AFAP1: variants seen among roughly 807,000 people sequenced by gnomAD.
AFAP1 encodes the protein actin filament associated protein 1, also known as actin filament-associated protein 1.
In AFAP1, 75 loss-of-function variants were observed where a neutral mutation model predicts 93.9. The observed-to-expected ratio is 0.80, with a 90% confidence interval of 0.66 to 0.97. The LOEUF (loss-of-function observed/expected upper bound fraction) is 0.97, where lower values mean the gene tolerates loss of function less well. Ranked by LOEUF, AFAP1 falls within the 50% of genes least tolerant of loss-of-function variation. The pLI, the probability that AFAP1 is intolerant of heterozygous loss-of-function variation, is 0.00. For synonymous variants in AFAP1, 517 were observed against 430.7 expected (o/e 1.20, Z -2.48); for missense variants, 1,201 against 1,050.8 (o/e 1.14, Z -1.98).
chr4:7,856,542 T>C (rs146630677), intron 3 of AFAP1, among the ~76,000 whole-genome samples: 3 of 152,124 alleles, frequency 2.0e-5, no homozygotes, highest in South Asian at 2.1e-4. Flanking sequence ...ACCTGGCCCA[T>C]CACAATTTTT....
At chr4:7,880,743 C>G (rs186859454) in intron 1 of AFAP1, among the ~76,000 whole-genome samples, 13 of 152,256 alleles carry the variant, frequency 8.5e-5, no homozygotes, top group Non-Finnish European at 1.6e-4. Context: ...ACAGGAACTC[C>G]AAGACTGAGG....
At chr4:7,889,043 C>T (rs1195145831) in intron 1 of AFAP1, among the ~76,000 whole-genome samples, 2 of 152,054 alleles carry the variant, frequency 1.3e-5, no homozygotes, top group Non-Finnish European at 2.9e-5. Context: ...CTGCCCGCCT[C>T]AGCCTCCCAA....
intron 1 of AFAP1, among the ~76,000 whole-genome samples, chr4:7,908,768 T>C (rs1272418897): frequency 3.9e-5 from 6 of 152,254 alleles, no homozygotes; most frequent in African/African-American, 7.2e-5. Flanking sequence ...AGGAAGCACC[T>C]GTTCTTGTCT....
chr4:7,868,478 C>T (rs1716671952), intron 3 of AFAP1, 144 bp downstream of exon 3: 1 of 647,520 alleles, frequency 1.5e-6, no homozygotes, highest in Non-Finnish European at 2.5e-6. Flanking sequence ...AGCTTCTCAG[C>T]CCTAGAAATA....
chr4:7,772,618 G>T (rs374260513), intron 16 of AFAP1: 1 of 567,762 alleles, frequency 1.8e-6, no homozygotes, highest in Non-Finnish European at 3.1e-6. Context: ...ACATTTCAGC[G>T]AGAGGTGAGA....
intron 10 of AFAP1, among the ~76,000 whole-genome samples, chr4:7,795,700 C>T (rs1271051004): frequency 6.6e-6 from 1 of 152,082 alleles, no homozygotes; most frequent in African/African-American, 2.4e-5. Flanking sequence ...GCTGGGATTA[C>T]AGCACCCGGC....
intron 3 of AFAP1, among the ~76,000 whole-genome samples, chr4:7,863,065 C>G (rs900229043): frequency 3.9e-5 from 6 of 152,180 alleles, no homozygotes; most frequent in African/African-American, 1.4e-4. Context: ...GCACTTGCTG[C>G]AAACGAAATG....
intron 1 of AFAP1, among the ~76,000 whole-genome samples, chr4:7,927,992 T>G (rs1720861075): frequency 6.6e-6 from 1 of 152,164 alleles, no homozygotes; most frequent in South Asian, 2.1e-4. Flanking sequence ...TTTCGTATGA[T>G]CTATACTATA....
chr4:7,778,350 C>A (rs905756294), intron 14 of AFAP1: 8 of 273,624 alleles, frequency 2.9e-5, no homozygotes, highest in South Asian at 7.7e-5. Flanking sequence ...TCCAACCGCA[C>A]CAACCACGGG....
At chr4:7,921,559 T>C (rs981884451) in intron 1 of AFAP1, among the ~76,000 whole-genome samples, 1 of 152,070 alleles carries the variant, frequency 6.6e-6, no homozygotes, top group Non-Finnish European at 1.5e-5. Context: ...GAAATAGAAA[T>C]AGGCGCCCTT....
chr4:7,917,333 A>G (rs1720140973), intron 1 of AFAP1, among the ~76,000 whole-genome samples: 1 of 152,106 alleles, frequency 6.6e-6, no homozygotes, highest in Non-Finnish European at 1.5e-5. Flanking sequence ...TATCAGTACT[A>G]TTTTGTTTTT....
At chr4:7,840,432 G>C (rs1712877026) in intron 5 of AFAP1, among the ~76,000 whole-genome samples, 1 of 150,582 alleles carries the variant, frequency 6.6e-6, no homozygotes, top group Non-Finnish European at 1.5e-5. Flanking sequence ...TCCTGCCTCA[G>C]CCTCCTGAGT....
At chr4:7,920,707 C>T (rs969872203) in intron 1 of AFAP1, among the ~76,000 whole-genome samples, 3 of 152,222 alleles carry the variant, frequency 2.0e-5, no homozygotes, top group Admixed American at 6.5e-5. Context: ...AGACAAATAG[C>T]CTGGGCTTCT....
chr4:7,917,943 C>T (rs899130042), intron 1 of AFAP1, among the ~76,000 whole-genome samples: 3 of 152,226 alleles, frequency 2.0e-5, no homozygotes, highest in Non-Finnish European at 4.4e-5. Context: ...TGTCATTCTA[C>T]TTATAAAGCA....
chr4:7,844,414 C>A (rs918400042), intron 4 of AFAP1, among the ~76,000 whole-genome samples: 2 of 152,174 alleles, frequency 1.3e-5, no homozygotes, highest in African/African-American at 4.8e-5. Flanking sequence ...CCCGGACTGA[C>A]GAGCTTCTGC....
At chr4:7,800,791 A>G (rs1718952884) in intron 9 of AFAP1, 138 bp from the exon 10 acceptor site, 2 of 866,960 alleles carry the variant, frequency 2.3e-6, no homozygotes. Context: ...CAAGCTTTAA[A>G]TGCAAATTCG....
At position 7,781,463 on chromosome 4, in the gene AFAP1, G is replaced by A. The variant is rs567725151; in HGVS notation, c.1695C>T (p.Ser565=). 400 of 1,552,128 alleles carry A rather than the reference G, an allele frequency of 2.6e-4. No individual in the cohort carries two copies. Among genetic ancestry groups the A allele is most frequent in the Non-Finnish European group, 9.6e-6 (11 of 1,147,076 alleles). The change falls in exon 13 of 18, where the codon TCC becomes TCT. Residue 565 remains serine (S), a synonymous_variant. Coordinates refer to ENST00000420658, the MANE Select transcript of AFAP1 (RefSeq NM_001134647.2). The part of the protein sequence containing the change: ...KASRLSADKL[S]SNHYKYPASA... ...AGGCAGGGTATTTGTAATGGTTAGA[G>A]GACAGCTTGTCAGCAGACAGCCTAG...
intron 1 of AFAP1, among the ~76,000 whole-genome samples, chr4:7,888,441 T>C (rs1718258438): frequency 6.6e-6 from 1 of 152,160 alleles, no homozygotes; most frequent in Non-Finnish European, 1.5e-5. Flanking sequence ...GTCACACAGG[T>C]ACAGACATTA....
chr4:7,819,535 A>G (rs975970118), intron 6 of AFAP1, among the ~76,000 whole-genome samples: 2 of 152,200 alleles, frequency 1.3e-5, no homozygotes, highest in Non-Finnish European at 2.9e-5. Flanking sequence ...GTGGGTGGCT[A>G]CTTTAGATCA....
Sources: gnomAD v4.1 joint callset for allele counts (sites outside exome capture counted in the v4.1 genomes callset) on GRCh38, gnomAD v4.1.1 for gene constraint, MANE v1.5 for transcripts, NCBI Gene and HGNC (gene_info 2026-07-23, HGNC 2026-07-21) for gene names.